The following PRAMEF4 variants were observed in gnomAD, a reference collection of about 807,000 sequenced individuals.
PRAMEF4 encodes RP5-845O24.6.
In PRAMEF4, 18 loss-of-function variants were observed where a neutral mutation model predicts 34.4. That is an observed-to-expected ratio of 0.52 (90% CI 0.36 to 0.78). PRAMEF4 has a LOEUF of 0.78. Among genes scored for constraint, PRAMEF4 ranks in the 30% least tolerant of loss-of-function variants. The pLI is 0.00. For synonymous variants in PRAMEF4, 156 were observed against 219.3 expected, an observed-to-expected ratio of 0.71 and a Z score of 2.55; for missense variants, 482 against 569.1, an observed-to-expected ratio of 0.85 and a Z score of 1.56.
At chr1:12,881,655 A>G (rs541545955) in intron 3 of PRAMEF4, among the ~76,000 whole-genome samples, 199 bp downstream of exon 3, 1 of 142,686 alleles carries the variant, frequency 7.0e-6, no homozygotes, top group Non-Finnish European at 1.5e-5. Flanking sequence ...CATCTCCCCT[A>G]GCTGATCCCT....
intron 1 of PRAMEF4, among the ~76,000 whole-genome samples, chr1:12,883,611 G>A (rs1460971336): frequency 2.0e-5 from 3 of 148,400 alleles, no homozygotes; most frequent in Non-Finnish European, 4.5e-5. Flanking sequence ...AAGCAGTGAG[G>A]AAGCAGGGCC....
chr1:12,882,644 G>A (rs1640914841), intron 2 of PRAMEF4, among the ~76,000 whole-genome samples: 1 of 147,252 alleles, frequency 6.8e-6, no homozygotes, highest in South Asian at 2.2e-4. Flanking sequence ...AGGCTAGAGT[G>A]CAGTGGTGTG....
chr1:12,882,378 A>G lies in PRAMEF4; in HGVS notation c.351T>C (p.Val117=), dbSNP rs1463209246. The change falls in exon 3 of 4, where the codon GTT becomes GTC. Residue 117 remains valine (V), a synonymous_variant. Coordinates refer to ENST00000235349, the MANE Select transcript of PRAMEF4 (RefSeq NM_001009611.4). ...LQDVCENFWM[V]WSEAMAHGCF... is the part of the protein sequence containing the mutation. Reference sequence around the variant, plus strand: ...ACCCATGGGCCATAGCTTCAGACCAAACCATCCAGAAGTTCTCACAGACAT... The same window carrying G: ...ACCCATGGGCCATAGCTTCAGACCAGACCATCCAGAAGTTCTCACAGACAT... 1 of 1,585,830 alleles carries G rather than the reference A, an allele frequency of 6.3e-7. No homozygotes were observed. Among genetic ancestry groups the G allele is most frequent in the Admixed American group, 1.8e-5 (1 of 56,782 alleles).
intron 1 of PRAMEF4, among the ~76,000 whole-genome samples, chr1:12,884,620 T>C (rs200455939): frequency 2.7e-5 from 4 of 146,924 alleles, no homozygotes; most frequent in African/African-American, 7.6e-5. Flanking sequence ...GAGGCTGAGG[T>C]AGGAGGATCA....
At position 12,881,767 on chromosome 1, in the gene PRAMEF4, T is replaced by C. The variant is rs571868457; in HGVS notation, c.875+87A>G. ...TGTCCCCTTCACTGTTTCATCCTCA[T>C]AGGCTGGCTCACAGTAGATGCCCAC... On this transcript the variant is annotated intron_variant, in intron 3 of 3. Transcript: ENST00000235349. 63 of 1,575,936 alleles carry C rather than the reference T, an allele frequency of 4.0e-5. 2 individuals are homozygous for C. The highest frequency in any genetic ancestry group is 4.4e-4 in the Middle Eastern group (2 of 4,568).
At chr1:12,884,875 T>G (rs1008667704) in intron 1 of PRAMEF4, among the ~76,000 whole-genome samples, 6 of 150,114 alleles carry the variant, frequency 4.0e-5, no homozygotes, top group Non-Finnish European at 8.9e-5. Flanking sequence ...ATTCACTGAT[T>G]CCCTTCACAA....
rs1427577797 is a variant in PRAMEF4 at position 12,884,418 on chromosome 1, A to C, written c.-16-1008T>G. Among the ~76,000 whole-genome samples, 160 of 149,870 alleles carry C rather than the reference A, an allele frequency of 1.1e-3. 9 individuals carry two copies. The highest frequency in any genetic ancestry group is 3.7e-3 in the African/African-American group (150 of 40,602). On this transcript the variant is annotated intron_variant, in intron 1 of 3. Coordinates refer to ENST00000235349, the MANE Select transcript of PRAMEF4 (RefSeq NM_001009611.4). The stretch of plus-strand genomic sequence containing the variant: ...CAATGCACACTTGTTACACATGTTC[A>C]AACTGAACCACTTTGGCTGGGTGCA...
intron 3 of PRAMEF4, among the ~76,000 whole-genome samples, chr1:12,881,044 C>T (rs1487960938): frequency 1.3e-5 from 2 of 148,456 alleles, no homozygotes; most frequent in African/African-American, 5.0e-5. Context: ...GCCCACTTCA[C>T]TTCCCTACTT....
intron 1 of PRAMEF4, among the ~76,000 whole-genome samples, chr1:12,884,771 T>C (rs1394810485): frequency 1.3e-5 from 2 of 149,728 alleles, no homozygotes; most frequent in East Asian, 1.9e-4. Context: ...TTAATCCTTA[T>C]TGGATTTTTG....
In PRAMEF4 at chr1:12,883,303, T is replaced by C; in HGVS notation, c.92A>G (p.Glu31Gly). The C allele has an allele frequency of 6.3e-7, 1 of 1,599,932 alleles. No homozygotes were observed. Among genetic ancestry groups the C allele is most frequent in the Non-Finnish European group, 8.5e-7 (1 of 1,173,306 alleles). ...GGGGAAAAGTTCTGTGGGCAGCTCC[T>C]CCAGGGTGGACATGGCCAAAGCTTG... ...RDQALAMSTL[E>G]ELPTELFPPL... Residue 31 changes from glutamate to glycine, a missense_variant, in exon 2 of 4, where the codon GAG (glutamate) becomes GGG (glycine). This residue lies in a region of PRAMEF4 where 172 missense variants were observed against 130.2 expected (regional missense o/e 1.32). Transcript: ENST00000235349.
At chr1:12,880,465 A>G (rs1310755414) in intron 3 of PRAMEF4, among the ~76,000 whole-genome samples, 1 of 150,424 alleles carries the variant, frequency 6.6e-6, no homozygotes, top group Non-Finnish European at 1.5e-5. Context: ...AATTCCAGCT[A>G]CTTGGGAAGC....
intron 3 of PRAMEF4, among the ~76,000 whole-genome samples, chr1:12,880,456 A>G (rs3863769): frequency 0.21 from 31,350 of 147,472 alleles, 1,287 homozygotes; most frequent in African/African-American, 0.28. Flanking sequence ...GGAGCCTGCA[A>G]TTCCAGCTAC....
rs369117756 is a variant in PRAMEF4 at position 12,886,163 on chromosome 1, C to T, written c.-33G>A. ...GTGACTTACCAGATCTGGATGTAGTCTAGAAGGTTCTCAGATCTCAGGAAG... is the reference window on the plus strand; with the variant it reads ...GTGACTTACCAGATCTGGATGTAGTTTAGAAGGTTCTCAGATCTCAGGAAG... On this transcript the variant is annotated 5_prime_UTR_variant, in exon 1 of 4. Coordinates refer to ENST00000235349, the MANE Select transcript of PRAMEF4 (RefSeq NM_001009611.4). The T allele has an allele frequency of 7.0e-6, 1 of 141,862 alleles. No homozygotes were observed. The highest frequency in any genetic ancestry group is 1.5e-5 in the Non-Finnish European group (1 of 65,642). 8.8% of individuals were successfully genotyped at this position (141,862 alleles called of 1,614,324 possible). A position where few individuals can be genotyped will look rare whatever the true frequency, so the allele number is the denominator to read the frequency against.
intron 3 of PRAMEF4, among the ~76,000 whole-genome samples, chr1:12,880,443 G>A (rs1640866473): frequency 6.6e-6 from 1 of 150,488 alleles, no homozygotes; most frequent in Admixed American, 6.7e-5. Flanking sequence ...AGGTGTGGTG[G>A]GGGGAGCCTG....
chr1:12,884,128 C>T (rs1414420979), intron 1 of PRAMEF4, among the ~76,000 whole-genome samples: 1 of 145,692 alleles, frequency 6.9e-6, no homozygotes, highest in Non-Finnish European at 1.5e-5. Flanking sequence ...CCTCCTCAGC[C>T]TCCCAAGTAG....
intron 1 of PRAMEF4, among the ~76,000 whole-genome samples, chr1:12,885,161 A>G (rs1174183451): frequency 1.3e-5 from 2 of 150,616 alleles, no homozygotes; most frequent in African/African-American, 4.9e-5. Flanking sequence ...GCTGAGTCTC[A>G]CTTCGTCGCC....
In PRAMEF4 at chr1:12,883,223, C is replaced by G; in HGVS notation, c.172G>C (p.Val58Leu). 4 of 1,598,620 alleles carry G rather than the reference C, an allele frequency of 2.5e-6. No homozygotes were observed. The highest frequency in any genetic ancestry group is 2.6e-6 in the Non-Finnish European group (3 of 1,172,674). ...AGGCGGCGGAAGGGCCAGGACTGCACCATCAGCTTCAGGGCCTCACAGCGT... is the reference window on the plus strand; with the variant it reads ...AGGCGGCGGAAGGGCCAGGACTGCAGCATCAGCTTCAGGGCCTCACAGCGT... ...RRRCEALKLM[V>L]QSWPFRRLPL... is the part of the protein sequence containing the mutation. The change falls in exon 2 of 4, where the codon GTG becomes CTG. Residue 58 changes from valine (V) to leucine (L), a missense_variant. Coordinates refer to ENST00000235349, the MANE Select transcript of PRAMEF4 (RefSeq NM_001009611.4).
At chr1:12,881,760 A>G (rs1394505920) in intron 3 of PRAMEF4, 94 bp downstream of exon 3, 4 of 1,558,848 alleles carry the variant, frequency 2.6e-6, no homozygotes, top group East Asian at 4.5e-5. Flanking sequence ...TCACTGTTTC[A>G]TCCTCATAGG....
At chr1:12,886,025 T>TAGA (rs1205285934) in intron 1 of PRAMEF4, 122 bp downstream of exon 1, 1 of 37,120 alleles carries the variant, frequency 2.7e-5, no homozygotes, top group Admixed American at 2.1e-4. Flanking sequence ...CAATTGTTCA[T>TAGA]ATAAAAAAAA....
Sources: gnomAD v4.1 joint callset for allele counts (sites outside exome capture counted in the v4.1 genomes callset) on GRCh38, gnomAD v4.1.1 for gene constraint, gnomAD v4.1.1 regional missense constraint, MANE v1.5 for transcripts, NCBI Gene and HGNC (gene_info 2026-07-23, HGNC 2026-07-21) for gene names.